ZNF236: variants seen among roughly 807,000 people sequenced by gnomAD.
The protein encoded by ZNF236 is zinc finger protein 236, also known as regulated by glucose.
A neutral mutation model predicts 191.2 loss-of-function variants in ZNF236; 50 were observed. The observed-to-expected ratio is 0.26, with a 90% CI of 0.21 to 0.33. The LOEUF is 0.33. Among genes scored for constraint, ZNF236 ranks in the 10% least tolerant of loss-of-function variants. ZNF236 has a pLI of 1.00. For synonymous variants in ZNF236, 907 were observed against 928.8 expected (o/e 0.98, Z 0.43); for missense variants, 1,754 against 2,374.5 (o/e 0.74, Z 5.43).
chr18:76,867,890 T>C (rs901834420), intron 3 of ZNF236, among the ~76,000 whole-genome samples: 1 of 151,954 alleles, frequency 6.6e-6, no homozygotes, highest in African/African-American at 2.4e-5. Context: ...AGCCTTAAGG[T>C]GAACCTAGAC....
intron 5 of ZNF236, among the ~76,000 whole-genome samples, chr18:76,872,222 C>T (rs1185744431): frequency 6.6e-6 from 1 of 152,168 alleles, no homozygotes; most frequent in African/African-American, 2.4e-5. Context: ...GGCTTACATC[C>T]ATAATCCCAG....
In ZNF236 at chr18:76,927,057, T is replaced by C. The variant is rs1444879220; in HGVS notation, c.4048T>C (p.Ser1350Pro). ...SVSAGGDLTV[S>P]LTDGSLATLE... ...GCCAGCTGGGGGTGACCTGACCGTG[T>C]CTCTGACAGATGGGAGCCTGGCTAC... The change falls in exon 23 of 31, where the codon TCT becomes CCT. Residue 1350 changes from serine to proline, a missense_variant. Coordinates refer to ENST00000320610, the MANE Select transcript of ZNF236 (RefSeq NM_001306089.2). The surrounding 1 kb of genome is among the most constrained non-coding windows in gnomAD (Gnocchi z 5.4). The C allele has an allele frequency of 6.2e-7, 1 of 1,613,430 alleles. No individual in the cohort carries two copies. Among genetic ancestry groups the C allele is most frequent in the Non-Finnish European group, 8.5e-7 (1 of 1,179,418 alleles).
Position 76,960,529 on chromosome 18 carries a change from C to T in ZNF236, c.5243-150C>T, listed in dbSNP as rs1466516860. ...CAGGCTCCCTCTGGTCTCCCTATGG[C>T]TCCTCCAGCCCTTTGTTCAGATGAC... On this transcript the variant is annotated intron_variant, in intron 29 of 30. Transcript: ENST00000320610. This position sits in a 1 kb window ranked among gnomAD's most constrained non-coding sequence, Gnocchi z 4.4. 2.9e-6 allele frequency: 3 copies of T among 1,017,384 alleles called. No individual in the cohort carries two copies. Among genetic ancestry groups the T allele is most frequent in the Non-Finnish European group, 4.4e-6 (3 of 677,870 alleles). The allele number at this position is 1,017,384 out of a possible 1,614,324, so 63.0% of individuals were successfully genotyped here. A position where few individuals can be genotyped will look rare whatever the true frequency, so the allele number is the denominator to read the frequency against.
chr18:76,830,551 A>C (rs935098767), intron 1 of ZNF236, among the ~76,000 whole-genome samples: 1 of 152,066 alleles, frequency 6.6e-6, no homozygotes, highest in African/African-American at 2.4e-5. Flanking sequence ...CGGAGATTCA[A>C]TCTTTCAGCT....
At chr18:76,945,957 G>A (rs1379687239) in intron 26 of ZNF236, among the ~76,000 whole-genome samples, 2 of 151,482 alleles carry the variant, frequency 1.3e-5, no homozygotes, top group African/African-American at 2.4e-5. Context: ...GATGATGACT[G>A]TATGTTTTTG....
intron 22 of ZNF236, among the ~76,000 whole-genome samples, 170 bp from the exon 23 acceptor site, chr18:76,926,867 G>A (rs545750512): frequency 6.6e-6 from 1 of 151,360 alleles, no homozygotes; most frequent in African/African-American, 2.4e-5. Context: ...TGATTAAACA[G>A]CATATATGTG....
intron 26 of ZNF236, among the ~76,000 whole-genome samples, chr18:76,943,122 C>CAA (rs530931580): frequency 0.038 from 3,241 of 85,226 alleles, 192 homozygotes; most frequent in African/African-American, 0.095. Context: ...GACTCCGTCT[C>CAA]AAAAAAAAAA....
chr18:76,901,094 G>A (rs893681841), intron 11 of ZNF236, among the ~76,000 whole-genome samples: 3 of 152,146 alleles, frequency 2.0e-5, no homozygotes, highest in African/African-American at 4.8e-5. Flanking sequence ...TGCGTGGCCC[G>A]GTTCCTAACA....
rs181181413 is a variant in ZNF236, at chr18:76,917,941, G to A, written c.3275-1835G>A. 5.9e-5 allele frequency among the ~76,000 whole-genome samples: 9 copies of A among 151,916 alleles called. No individual in the cohort carries two copies. In the East Asian group the frequency reaches 9.7e-4, roughly 16 times the overall value. ...ACTTTCTCCCTCAACCCACACCCTC[G>A]CTGTCCTTTGCTCCCCTCTCTTTCT... is the stretch of plus-strand genomic sequence containing the variant. On this transcript the variant is annotated intron_variant, in intron 19 of 30. Coordinates refer to ENST00000320610, the MANE Select transcript of ZNF236 (RefSeq NM_001306089.2).
At chr18:76,836,990 C>G (rs1160016677) in intron 1 of ZNF236, among the ~76,000 whole-genome samples, 1 of 152,094 alleles carries the variant, frequency 6.6e-6, no homozygotes, top group Non-Finnish European at 1.5e-5. Context: ...ATTCTCGTGC[C>G]TCAGCCTCTG....
intron 21 of ZNF236, among the ~76,000 whole-genome samples, chr18:76,923,947 A>G (rs1225894291): frequency 6.6e-6 from 1 of 152,184 alleles, no homozygotes; most frequent in East Asian, 1.9e-4. Flanking sequence ...TGTTGTTATA[A>G]TGATTCATAG....
intron 26 of ZNF236, among the ~76,000 whole-genome samples, chr18:76,941,730 T>C (rs911212651): frequency 3.3e-5 from 5 of 152,240 alleles, no homozygotes; most frequent in African/African-American, 1.2e-4. Context: ...ATTCTGTATA[T>C]TCTTTTCTGT....
At chr18:76,937,475 A>G in intron 26 of ZNF236, 132 bp downstream of exon 26, 2 of 826,618 alleles carry the variant, frequency 2.4e-6, no homozygotes, top group African/African-American at 1.7e-5. Context: ...TTTTTTTCTG[A>G]TTAAAAAATA....
chr18:76,905,222 C>T lies in ZNF236; in HGVS notation c.2104C>T (p.Leu702Phe). 1 of 1,614,116 alleles carries T rather than the reference C, an allele frequency of 6.2e-7. No homozygotes were observed. Among genetic ancestry groups the T allele is most frequent in the Non-Finnish European group, 8.5e-7 (1 of 1,180,016 alleles). Residue 702 changes from leucine (L) to phenylalanine (F), a missense_variant, in exon 13 of 31, where the codon CTC becomes TTC. Around this residue, in one of 5 missense-constraint regions of ZNF236, gnomAD observed 641 missense variants for 869.6 expected, o/e 0.74. Coordinates refer to ENST00000320610, the MANE Select transcript of ZNF236 (RefSeq NM_001306089.2). ...CGRGFVSAGV[L>F]KAHIRTHTGL... The stretch of plus-strand genomic sequence containing the variant: ...AAGAGGCTTTGTTTCTGCAGGCGTG[C>T]TCAAAGCACACATCAGAACACACAC...
At chr18:76,827,667 A>G (rs1599305837) in intron 1 of ZNF236, among the ~76,000 whole-genome samples, 1 of 152,224 alleles carries the variant, frequency 6.6e-6, no homozygotes, top group Non-Finnish European at 1.5e-5. Context: ...TTCAAGCCTA[A>G]AGAGATGAGT....
At chr18:76,949,964 C>T (rs1004147076) in intron 27 of ZNF236, among the ~76,000 whole-genome samples, 174 of 6,730 alleles carry the variant, frequency 0.026, no homozygotes, top group Middle Eastern at 0.17. Context: ...ACCAGCATTA[C>T]GTTTTTTTTT....
At chr18:76,895,932 C>T (rs1290641938) in intron 10 of ZNF236, among the ~76,000 whole-genome samples, 1 of 147,298 alleles carries the variant, frequency 6.8e-6, no homozygotes, top group Non-Finnish European at 1.5e-5. Context: ...GTATCAAAGG[C>T]AGGTACCAGA....
intron 1 of ZNF236, among the ~76,000 whole-genome samples, chr18:76,844,073 C>T (rs570655938): frequency 4.5e-4 from 69 of 151,882 alleles, no homozygotes; most frequent in African/African-American, 1.6e-3. Context: ...AACCCTGTCT[C>T]TATGAAAAAT....
chr18:76,965,337 G>A (rs1161767558), intron 30 of ZNF236, among the ~76,000 whole-genome samples: 1 of 151,560 alleles, frequency 6.6e-6, no homozygotes, highest in Non-Finnish European at 1.5e-5. Context: ...CCTTTCTCTG[G>A]TACCTTCCTG....
Sources: gnomAD v4.1 joint callset for allele counts (sites outside exome capture counted in the v4.1 genomes callset) on GRCh38, gnomAD v4.1.1 for gene constraint, gnomAD v4.1.1 regional missense constraint, Gnocchi (gnomAD v3.1) non-coding constraint, MANE v1.5 for transcripts, NCBI Gene and HGNC (gene_info 2026-07-23, HGNC 2026-07-21) for gene names.